Variants in LRRC37A2 observed in about 807,000 individuals in gnomAD.
LRRC37A2 encodes the protein leucine-rich repeat-containing protein 37A2.
Under a neutral mutation model 68.8 loss-of-function variants are expected in LRRC37A2, and 9 were observed. The ratio of observed to expected loss-of-function variants is 0.13; its 90% confidence interval spans 0.08 to 0.23. The LOEUF (loss-of-function observed/expected upper bound fraction) is 0.23. Ranked by LOEUF, LRRC37A2 falls within the 10% of genes least tolerant of loss-of-function variation. The probability of loss-of-function intolerance (pLI) is 1.00; values close to 1 mark genes in which losing one functional copy is unlikely to be tolerated. For synonymous variants in LRRC37A2, 63 were observed against 367.6 expected (o/e 0.17, Z 9.48); for missense variants, 168 against 950.4 (o/e 0.18, Z 10.82).
the LRRC37A2 span, among the ~76,000 whole-genome samples, chr17:46,836,025 C>G: frequency 6.6e-6 from 1 of 150,576 alleles, no homozygotes; most frequent in South Asian, 2.1e-4. Context: ...TGGATGGGGC[C>G]TGCGAGGATG....
the LRRC37A2 span, among the ~76,000 whole-genome samples, chr17:46,493,788 C>T: frequency 1.3e-5 from 2 of 150,806 alleles, no homozygotes; most frequent in Admixed American, 6.6e-5. Flanking sequence ...CCTCCTGCCT[C>T]GGCCTCCCAA....
the LRRC37A2 span, chr17:46,721,549 G>A: frequency 8.0e-7 from 1 of 1,247,202 alleles, no homozygotes; most frequent in Non-Finnish European, 1.2e-6. Context: ...CTGTGTGTGT[G>A]TGAATATATA....
the LRRC37A2 span, among the ~76,000 whole-genome samples, chr17:47,044,674 G>A: frequency 6.6e-6 from 1 of 151,774 alleles, no homozygotes; most frequent in South Asian, 2.1e-4. Flanking sequence ...CCATTCTAAG[G>A]CTTAAAGGAA....
the LRRC37A2 span, among the ~76,000 whole-genome samples, chr17:46,960,770 G>A: frequency 2.0e-5 from 3 of 152,336 alleles, no homozygotes; most frequent in South Asian, 4.1e-4. Flanking sequence ...AGCTTATTGG[G>A]TGATTCCATT....
chr17:46,723,483 A>G, the LRRC37A2 span, among the ~76,000 whole-genome samples: 1 of 152,230 alleles, frequency 6.6e-6, no homozygotes, highest in Admixed American at 6.5e-5. Flanking sequence ...CTCAAAGCCA[A>G]AAGGAACCAT....
At chr17:46,495,131 GCAAA>G in the LRRC37A2 span, among the ~76,000 whole-genome samples, 1 of 147,024 alleles carries the variant, frequency 6.8e-6, no homozygotes, top group Non-Finnish European at 1.5e-5. Flanking sequence ...CCATGTTGCT[GCAAA>G]CAGATTTTAT....
the LRRC37A2 span, chr17:46,713,835 G>A: frequency 6.2e-7 from 1 of 1,606,158 alleles, no homozygotes; most frequent in South Asian, 1.1e-5. Flanking sequence ...CCCCTGACTT[G>A]CTCATATCTT....
chr17:46,961,819 T>G, the LRRC37A2 span, among the ~76,000 whole-genome samples: 2 of 152,182 alleles, frequency 1.3e-5, no homozygotes, highest in African/African-American at 4.8e-5. Flanking sequence ...ACCCTTTATC[T>G]AATGCCTACT....
the LRRC37A2 span, chr17:46,923,175 G>A: frequency 1.3e-6 from 2 of 1,515,234 alleles, no homozygotes; most frequent in East Asian, 2.5e-5. Flanking sequence ...CGGAGCCGTG[G>A]CCTGCGGGGC....
At chr17:46,755,856 G>A in the LRRC37A2 span, 45 of 1,607,540 alleles carry the variant, frequency 2.8e-5, 1 homozygote, top group East Asian at 8.7e-4. Context: ...AGTGACCAAG[G>A]GAAGTGACCA....
chr17:46,437,750 A>G, the LRRC37A2 span, among the ~76,000 whole-genome samples: 40 of 144,848 alleles, frequency 2.8e-4, no homozygotes, highest in African/African-American at 9.8e-4. Flanking sequence ...TGAGGGAGAA[A>G]TCTTAGCAAG....
chr17:46,912,899 AC>A, the LRRC37A2 span, among the ~76,000 whole-genome samples: 1 of 152,184 alleles, frequency 6.6e-6, no homozygotes, highest in South Asian at 2.1e-4. Flanking sequence ...GTGGTTTATG[AC>A]AGCAGCCTGG....
At chr17:46,946,298 A>G in the LRRC37A2 span, among the ~76,000 whole-genome samples, 2,104 of 121,958 alleles carry the variant, frequency 0.017, 22 homozygotes, top group Non-Finnish European at 0.023. Context: ...AAAAAAAAAA[A>G]AAAAGAAAAG....
chr17:46,814,899 G>A, the LRRC37A2 span, among the ~76,000 whole-genome samples: 1 of 152,214 alleles, frequency 6.6e-6, no homozygotes, highest in Non-Finnish European at 1.5e-5. Flanking sequence ...GGGAGGATGG[G>A]TCCTGGGATG....
At chr17:47,029,430 G>A in the LRRC37A2 span, among the ~76,000 whole-genome samples, 7 of 152,248 alleles carry the variant, frequency 4.6e-5, no homozygotes, top group Admixed American at 3.9e-4. Flanking sequence ...GTGGCCTGAA[G>A]GGGACTCAAG....
the LRRC37A2 span, chr17:46,942,086 G>C: frequency 6.0e-6 from 2 of 332,440 alleles, no homozygotes; most frequent in Non-Finnish European, 8.6e-6. Flanking sequence ...AAGAAGTGAG[G>C]CACAAGAACA....
chr17:46,983,195 G>A, the LRRC37A2 span, among the ~76,000 whole-genome samples: 1 of 151,682 alleles, frequency 6.6e-6, no homozygotes, highest in African/African-American at 2.4e-5. Flanking sequence ...TGCATATTTG[G>A]TCTCCCAGAA....
At chr17:46,994,683 A>G in the LRRC37A2 span, among the ~76,000 whole-genome samples, 1 of 152,032 alleles carries the variant, frequency 6.6e-6, no homozygotes, top group African/African-American at 2.4e-5. Context: ...CTTGACCCAT[A>G]TTTTGAGGAT....
chr17:46,501,537 A>T, the LRRC37A2 span, among the ~76,000 whole-genome samples: 5 of 151,400 alleles, frequency 3.3e-5, no homozygotes, highest in South Asian at 1.0e-3. Context: ...GCCGGCTGTT[A>T]TATAAAGGAG....
Sources: allele counts gnomAD v4.1 joint callset (sites outside exome capture counted in the v4.1 genomes callset), GRCh38; gene constraint gnomAD v4.1.1; transcripts MANE v1.5; gene names NCBI Gene and HGNC (gene_info 2026-07-23, HGNC 2026-07-21).